The following CDYL2 variants were observed in gnomAD, a reference collection of about 807,000 sequenced individuals.
CDYL2 encodes the protein chromodomain Y-like protein 2.
CDYL2 carries 23 observed loss-of-function variants against 49.4 expected under a neutral mutation model. That is an observed-to-expected ratio of 0.47 (90% confidence interval 0.34 to 0.66). The LOEUF (loss-of-function observed/expected upper bound fraction) is 0.66, where lower values mean the gene tolerates loss of function less well. Among genes scored for constraint, CDYL2 ranks in the 30% least tolerant of loss-of-function variants. The pLI, the probability that CDYL2 is intolerant of heterozygous loss-of-function variation, is 0.01. For synonymous variants in CDYL2, 360 were observed against 268.8 expected, an observed-to-expected ratio of 1.34 and a Z score of -3.32; for missense variants, 678 against 656.4, an observed-to-expected ratio of 1.03 and a Z score of -0.36.
intron 1 of CDYL2, among the ~76,000 whole-genome samples, chr16:80,799,142 C>T (rs1047651164): frequency 1.8e-4 from 27 of 151,884 alleles, no homozygotes; most frequent in African/African-American, 6.0e-4. Context: ...AAACCCAGTC[C>T]TACTTTTGTA....
At chr16:80,755,559 G>C (rs1906282448) in intron 1 of CDYL2, among the ~76,000 whole-genome samples, 1 of 152,146 alleles carries the variant, frequency 6.6e-6, no homozygotes, top group South Asian at 2.1e-4. Flanking sequence ...CTTACCCTTT[G>C]ACCTGCTCAT....
At chr16:80,728,706 G>C (rs1905239359) in intron 1 of CDYL2, among the ~76,000 whole-genome samples, 1 of 152,104 alleles carries the variant, frequency 6.6e-6, no homozygotes, top group African/African-American at 2.4e-5. Flanking sequence ...AGAAAGGTCG[G>C]GTTACCCACA....
At chr16:80,797,656 T>C (rs1040587769) in intron 1 of CDYL2, among the ~76,000 whole-genome samples, 2 of 152,224 alleles carry the variant, frequency 1.3e-5, no homozygotes, top group African/African-American at 4.8e-5. Flanking sequence ...TTATTTCATG[T>C]AAAATAAACC....
chr16:80,762,800 G>C (rs572883389), intron 1 of CDYL2, among the ~76,000 whole-genome samples: 29 of 152,262 alleles, frequency 1.9e-4, no homozygotes, highest in Admixed American at 1.6e-3. Context: ...ATAGGGCAGA[G>C]ACGTGTCCTT....
chr16:80,640,045 AG>A (rs1462113024), intron 2 of CDYL2, among the ~76,000 whole-genome samples: 1 of 152,152 alleles, frequency 6.6e-6, no homozygotes, highest in Admixed American at 6.5e-5. Context: ...CTAGGCCACA[AG>A]GGCTAGACCT....
At chr16:80,637,161 C>G (rs1029404544) in intron 2 of CDYL2, among the ~76,000 whole-genome samples, 1 of 151,764 alleles carries the variant, frequency 6.6e-6, no homozygotes, top group African/African-American at 2.4e-5. Flanking sequence ...ATGTAACAAA[C>G]CTGCACGTTC....
rs947755571 is a variant in CDYL2 at position 80,802,371 on chromosome 16, A to G, written c.24+1779T>C. Among the ~76,000 whole-genome samples the G allele has an allele frequency of 5.9e-5, 9 of 152,282 alleles. No individual in the cohort carries two copies. In the East Asian group the frequency reaches 1.5e-3, roughly 26 times the overall value. ...TCACTTTCACCCCTAAACAATATCT[A>G]CTTTTAGCCAATGTCCCCACAGTAC... On this transcript the variant is annotated intron_variant, in intron 1 of 6. Coordinates refer to ENST00000570137, the MANE Select transcript of CDYL2 (RefSeq NM_152342.4).
chr16:80,789,384 G>A (rs1460526861), intron 1 of CDYL2, among the ~76,000 whole-genome samples: 1 of 152,110 alleles, frequency 6.6e-6, no homozygotes, highest in Non-Finnish European at 1.5e-5. Context: ...GGTGGATCAC[G>A]AGGTCAGGAG....
chr16:80,694,659 C>G (rs1910550417), intron 1 of CDYL2, among the ~76,000 whole-genome samples: 1 of 152,026 alleles, frequency 6.6e-6, no homozygotes, highest in African/African-American at 2.4e-5. Flanking sequence ...CACATATTTC[C>G]TACATCTTTC....
At chr16:80,673,162 A>C (rs531873677) in intron 2 of CDYL2, among the ~76,000 whole-genome samples, 8 of 151,982 alleles carry the variant, frequency 5.3e-5, no homozygotes, top group Middle Eastern at 3.4e-3. Context: ...TACTAAAAGT[A>C]CAAAAAAATT....
intron 4 of CDYL2, among the ~76,000 whole-genome samples, chr16:80,619,401 G>C (rs1411868765): frequency 6.6e-6 from 1 of 152,198 alleles, no homozygotes; most frequent in African/African-American, 2.4e-5. Context: ...AAAACGAGGG[G>C]CTGTGTCAGC....
intron 1 of CDYL2, among the ~76,000 whole-genome samples, chr16:80,759,305 C>T (rs893350385): frequency 6.6e-6 from 1 of 151,208 alleles, no homozygotes; most frequent in Non-Finnish European, 1.5e-5. Flanking sequence ...TCACATTTTC[C>T]ACAGTGAATG....
In CDYL2 at chr16:80,743,694, G is replaced by T. The variant is rs28681053; in HGVS notation, c.25-58565C>A. ...TTGTTTGTTTGTTTGTTTTTTGGGG[G>T]TTTTTTTGCCCCTTTCATCTCAGTC... On this transcript the variant is annotated intron_variant, in intron 1 of 6. Coordinates refer to ENST00000570137, the MANE Select transcript of CDYL2 (RefSeq NM_152342.4). Among the ~76,000 whole-genome samples, 457 of 151,952 alleles carry T rather than the reference G, an allele frequency of 3.0e-3. 2 individuals are homozygous for T. The highest frequency in any genetic ancestry group is 9.6e-3 in the African/African-American group (397 of 41,430).
intron 1 of CDYL2, among the ~76,000 whole-genome samples, chr16:80,758,521 T>C (rs1217519296): frequency 6.7e-6 from 1 of 148,248 alleles, no homozygotes; most frequent in African/African-American, 2.5e-5. Context: ...AACACATAAA[T>C]ACAGAAGTTT....
intron 1 of CDYL2, among the ~76,000 whole-genome samples, chr16:80,728,679 G>A (rs1243126809): frequency 6.6e-6 from 1 of 152,128 alleles, no homozygotes; most frequent in Non-Finnish European, 1.5e-5. Flanking sequence ...AGGAAAAAAT[G>A]TTAAGGGCAG....
intron 2 of CDYL2, among the ~76,000 whole-genome samples, chr16:80,661,482 C>A (rs984147157): frequency 4.6e-5 from 7 of 152,208 alleles, no homozygotes; most frequent in African/African-American, 1.7e-4. Context: ...TCATCACGAC[C>A]CTGTAGGACA....
rs1483097386 is a variant in CDYL2 at position 80,681,715 on chromosome 16, C to T, written c.616+2823G>A. Among the ~76,000 whole-genome samples the T allele has an allele frequency of 2.6e-5, 4 of 152,168 alleles. No homozygotes were observed. The East Asian group carries it at 7.7e-4, about 29-fold the overall frequency. On this transcript the variant is annotated intron_variant, in intron 2 of 6. Transcript: ENST00000570137. ...GACGTCATTGTGGGTATGGTGAAGC[C>T]ATGCACATGTATGTAATATGTGTTA...
intron 1 of CDYL2, among the ~76,000 whole-genome samples, chr16:80,742,723 T>TG (rs772583307): frequency 1.3e-5 from 2 of 150,064 alleles, no homozygotes; most frequent in Non-Finnish European, 3.0e-5. Flanking sequence ...TATGGATGGG[T>TG]GACAGGGTAG....
chr16:80,649,574 C>T (rs1440969194), intron 2 of CDYL2, among the ~76,000 whole-genome samples: 3 of 151,922 alleles, frequency 2.0e-5, no homozygotes, highest in Admixed American at 6.6e-5. Context: ...CAATGTAATC[C>T]CTCTCAAAAT....
Sources: gnomAD v4.1 joint callset for allele counts (sites outside exome capture counted in the v4.1 genomes callset) on GRCh38, gnomAD v4.1.1 for gene constraint, MANE v1.5 for transcripts, NCBI Gene and HGNC (gene_info 2026-07-23, HGNC 2026-07-21) for gene names.